Variants in DOCK5 observed in about 807,000 individuals in gnomAD.
The protein encoded by DOCK5 is dedicator of cytokinesis 5.
Under a neutral mutation model 251.8 loss-of-function variants are expected in DOCK5, and 142 were observed. That is an observed-to-expected ratio of 0.56 (90% CI 0.49 to 0.65). The LOEUF (loss-of-function observed/expected upper bound fraction) is 0.65. Among genes scored for constraint, DOCK5 ranks in the 30% least tolerant of loss-of-function variants. DOCK5 has a pLI of 0.00. For missense variants in DOCK5, 2,111 were observed against 2,312.3 expected (o/e 0.91, Z 1.79); for synonymous variants, 842 against 835.5 (o/e 1.01, Z -0.13).
At position 25,187,650 on chromosome 8, in the gene DOCK5, T is replaced by C. The variant is rs781212948; in HGVS notation, c.43+2699T>C. ...GTCTCTCGTGGTCAACAGGATAAAG[T>C]CTGAGCCTCCGTTCCAAGGTTCCTA... On this transcript the variant is annotated intron_variant, in intron 1 of 51. Coordinates refer to ENST00000276440, the MANE Select transcript of DOCK5 (RefSeq NM_024940.8). Among the ~76,000 whole-genome samples, 12 of 152,050 alleles carry C rather than the reference T, an allele frequency of 7.9e-5. 1 individual carries two copies. The highest frequency in any genetic ancestry group is 2.9e-5 in the Non-Finnish European group (2 of 68,022).
intron 34 of DOCK5, among the ~76,000 whole-genome samples, chr8:25,372,059 T>C (rs1016662565): frequency 7.9e-5 from 12 of 152,234 alleles, no homozygotes; most frequent in African/African-American, 2.9e-4. Flanking sequence ...GGAGATGTAC[T>C]AGGTTCCCAG....
intron 1 of DOCK5, among the ~76,000 whole-genome samples, chr8:25,236,049 C>T (rs1251254599): frequency 3.3e-5 from 5 of 152,236 alleles, no homozygotes; most frequent in African/African-American, 7.2e-5. Flanking sequence ...CCACCTGCCT[C>T]GGCCTCCCAA....
chr8:25,323,741 G>C (rs895020208), intron 16 of DOCK5, 107 bp from the exon 17 acceptor site: 53 of 1,247,962 alleles, frequency 4.2e-5, no homozygotes, highest in Non-Finnish European at 5.4e-5. Flanking sequence ...GTGCTTATTA[G>C]AATATGGTTG....
chr8:25,238,913 C>T (rs78829757), intron 1 of DOCK5, among the ~76,000 whole-genome samples: 2,985 of 152,280 alleles, frequency 0.02, 45 homozygotes, highest in Non-Finnish European at 0.031. Flanking sequence ...ACGAGGGCCC[C>T]AATCATAGGG....
intron 18 of DOCK5, among the ~76,000 whole-genome samples, chr8:25,328,821 G>A (rs1805621029): frequency 1.3e-5 from 2 of 152,174 alleles, no homozygotes; most frequent in Admixed American, 1.3e-4. Flanking sequence ...GTCCCCAGAG[G>A]TGCGTGGCCT....
intron 25 of DOCK5, chr8:25,345,253 CATT>C (rs1563209491): frequency 1.6e-5 from 6 of 377,320 alleles, no homozygotes; most frequent in African/African-American, 9.6e-5. Flanking sequence ...TGAGAAGGGT[CATT>C]TTTTTTTTTT....
Position 25,413,821 on chromosome 8 carries a change from GA to G in DOCK5, c.*2524del, listed in dbSNP as rs1467373723. 6.6e-6 allele frequency: 1 copy of G among 152,196 alleles called. No individual in the cohort carries two copies. Among genetic ancestry groups the G allele is most frequent in the Non-Finnish European group, 1.5e-5 (1 of 68,024 alleles). 9.4% of individuals were successfully genotyped at this position (152,196 alleles called of 1,614,324 possible). A position where few individuals can be genotyped will look rare whatever the true frequency, so the allele number is the denominator to read the frequency against. On this transcript the variant is annotated 3_prime_UTR_variant, in exon 52 of 52. Coordinates refer to ENST00000276440, the MANE Select transcript of DOCK5 (RefSeq NM_024940.8). ...ATTCCAGGTAGTATTGTGGCTAAGA[GA>G]TTACAGCGGACGATGGAAGGTTCAT...
At chr8:25,402,051 T>C (rs1339140520) in intron 47 of DOCK5, among the ~76,000 whole-genome samples, 1 of 152,212 alleles carries the variant, frequency 6.6e-6, no homozygotes, top group Non-Finnish European at 1.5e-5. Flanking sequence ...GATGGTGTAA[T>C]ACGTTCTAGC....
intron 47 of DOCK5, among the ~76,000 whole-genome samples, chr8:25,402,446 G>A (rs536634892): frequency 6.6e-5 from 10 of 152,126 alleles, no homozygotes; most frequent in Middle Eastern, 3.4e-3. Flanking sequence ...ACATGTGCCC[G>A]CCACCATGCC....
intron 34 of DOCK5, among the ~76,000 whole-genome samples, chr8:25,372,318 C>T (rs1233593049): frequency 6.6e-6 from 1 of 152,156 alleles, no homozygotes; most frequent in Non-Finnish European, 1.5e-5. Flanking sequence ...GAGCTGAGTC[C>T]TAAAGAAAAC....
chr8:25,319,565 C>A lies in DOCK5; in HGVS notation c.1444-13C>A. The A allele has an allele frequency of 1.3e-6, 2 of 1,555,890 alleles. No homozygotes were observed. Among genetic ancestry groups the A allele is most frequent in the East Asian group, 2.4e-5 (1 of 42,342 alleles). ...AAAATTATTCCCTTCTAATTTTTTC[C>A]TTCCATCTGAAGAAAGCAATTCACC... On this transcript the variant is annotated splice_polypyrimidine_tract_variant and intron_variant, in intron 14 of 51. Transcript: ENST00000276440.
intron 49 of DOCK5, 99 bp from the exon 50 acceptor site, chr8:25,408,703 T>G: frequency 1.4e-6 from 2 of 1,459,558 alleles, no homozygotes; most frequent in Admixed American, 4.0e-5. Flanking sequence ...AGTTAAGTCC[T>G]TTTCCAAGTG....
intron 30 of DOCK5, among the ~76,000 whole-genome samples, chr8:25,366,588 G>A (rs895084384): frequency 1.3e-5 from 2 of 152,102 alleles, no homozygotes; most frequent in Admixed American, 1.3e-4. Context: ...TTGAAACATA[G>A]TGCCAAAGTA....
intron 30 of DOCK5, among the ~76,000 whole-genome samples, chr8:25,366,255 C>A (rs1206720525): frequency 6.6e-6 from 1 of 152,174 alleles, no homozygotes; most frequent in Non-Finnish European, 1.5e-5. Context: ...CTTTGGGAGG[C>A]CAAGGCGGGC....
chr8:25,342,274 G>A, intron 24 of DOCK5, 127 bp from the exon 25 acceptor site: 1 of 652,678 alleles, frequency 1.5e-6, no homozygotes, highest in Non-Finnish European at 2.6e-6. Flanking sequence ...TAAACTCTCA[G>A]GTCATTTTGT....
intron 11 of DOCK5, among the ~76,000 whole-genome samples, chr8:25,306,286 A>G (rs2956654): frequency 0.69 from 104,266 of 152,148 alleles, 37,832 homozygotes; most frequent in Middle Eastern, 0.81. Context: ...AAAGTTAATT[A>G]TGTGATAACT....
At chr8:25,374,540 G>A (rs904357890) in intron 36 of DOCK5, 24 bp from the exon 37 acceptor site, 3 of 1,586,522 alleles carry the variant, frequency 1.9e-6, no homozygotes, top group Non-Finnish European at 2.6e-6. Context: ...GTGACAAAAT[G>A]CTTCCTTCTC....
In DOCK5 at chr8:25,324,305, T is replaced by C. The variant is rs111798105; in HGVS notation, c.1719+354T>C. Among the ~76,000 whole-genome samples, 799 of 152,322 alleles carry C rather than the reference T, an allele frequency of 5.2e-3. 6 individuals are homozygous for C. The highest frequency in any genetic ancestry group is 0.018 in the African/African-American group (766 of 41,566). ...GCATGGCACATGGACAGGTGCACTG[T>C]TGGGCTTCAGTAGTGTGTGGTGGAT... is the stretch of plus-strand genomic sequence containing the variant. On this transcript the variant is annotated intron_variant, in intron 17 of 51. Transcript: ENST00000276440.
At chr8:25,403,865 C>A in intron 48 of DOCK5, 141 bp downstream of exon 48, 1 of 906,210 alleles carries the variant, frequency 1.1e-6, no homozygotes, top group Non-Finnish European at 1.6e-6. Flanking sequence ...TCATGATTAG[C>A]AGAATAATAA....
Sources: gnomAD v4.1 joint callset for allele counts (sites outside exome capture counted in the v4.1 genomes callset) on GRCh38, gnomAD v4.1.1 for gene constraint, MANE v1.5 for transcripts, NCBI Gene and HGNC (gene_info 2026-07-23, HGNC 2026-07-21) for gene names.